SCN9A: variants seen among roughly 807,000 people sequenced by gnomAD.
The protein encoded by SCN9A is sodium channel protein type 9 subunit alpha.
Under a neutral mutation model 187.0 loss-of-function variants are expected in SCN9A, and 131 were observed. That is an observed-to-expected ratio of 0.70 (90% CI 0.61 to 0.81). The LOEUF is 0.81. Among genes scored for constraint, SCN9A ranks in the 30% least tolerant of loss-of-function variants. The pLI, the probability that SCN9A is intolerant of heterozygous loss-of-function variation, is 0.00. For synonymous variants in SCN9A, 809 were observed against 808.6 expected (o/e 1.00, Z -0.01); for missense variants, 2,252 against 2,396.6 (o/e 0.94, Z 1.26).
intron 1 of SCN9A, among the ~76,000 whole-genome samples, chr2:166,344,578 C>A (rs897723263): frequency 2.6e-5 from 4 of 152,180 alleles, no homozygotes; most frequent in African/African-American, 9.6e-5. Context: ...CATCATTATA[C>A]TAGCAATTCA....
intron 17 of SCN9A, among the ~76,000 whole-genome samples, chr2:166,252,619 G>A (rs1696096058): frequency 6.6e-6 from 1 of 151,792 alleles, no homozygotes; most frequent in Admixed American, 6.6e-5. Flanking sequence ...AGCACCACAT[G>A]CAAACTCTGA....
At chr2:166,253,177 T>C (rs1696120675) in intron 17 of SCN9A, among the ~76,000 whole-genome samples, 1 of 151,858 alleles carries the variant, frequency 6.6e-6, no homozygotes, top group African/African-American at 2.4e-5. Flanking sequence ...TATTATCACC[T>C]AGTATACAAC....
chr2:166,357,744 C>G (rs907180015), intron 1 of SCN9A, among the ~76,000 whole-genome samples: 2 of 152,304 alleles, frequency 1.3e-5, no homozygotes. Flanking sequence ...AAGAAGTTAG[C>G]TTGTGCGCCA....
At position 166,272,706 on chromosome 2, in the gene SCN9A, G is replaced by C. The variant is rs372016328; in HGVS notation, c.3044C>G (p.Ser1015Cys). 4 of 1,595,994 alleles carry C rather than the reference G, an allele frequency of 2.5e-6. No individual in the cohort carries two copies. Among genetic ancestry groups the C allele is most frequent in the Non-Finnish European group, 3.4e-6 (4 of 1,171,820 alleles). Residue 1015 changes from serine to cysteine, a missense_variant, in exon 17 of 27, where the codon TCC becomes TGC. Coordinates refer to ENST00000642356, the MANE Select transcript of SCN9A (RefSeq NM_001365536.1). ...TLREFILKAF[S>C]KKPKISREIR... ...CTCCCTGGAAATCTTTGGCTTTTTG[G>C]AAAATGCTTTTAGAATAAATTCACG...
rs1308563478 is a variant in SCN9A at position 166,204,386 on chromosome 2, G to C, written c.4477C>G (p.Pro1493Ala). ...CCTGGTCGAGGAATTGGCTTTTGTG[G>C]CTTCTTGGACCCCAGCTTTTTCATT... Reference protein sequence around the residue: ...NAMKKLGSKKPQKPIPRPGNK... With the variant: ...NAMKKLGSKKAQKPIPRPGNK... The change falls in exon 25 of 27, where the codon CCA becomes GCA. Residue 1493 changes from proline (P) to alanine (A), a missense_variant. By Grantham distance (27) the Pro-to-Ala change is conservative (BLOSUM62 -1). Transcript: ENST00000642356. 6.2e-7 allele frequency: 1 copy of C among 1,609,534 alleles called. No individual in the cohort carries two copies. Among genetic ancestry groups the C allele is most frequent in the Non-Finnish European group, 8.5e-7 (1 of 1,177,864 alleles).
At chr2:166,346,755 G>C (rs1415878369) in intron 1 of SCN9A, among the ~76,000 whole-genome samples, 1 of 152,072 alleles carries the variant, frequency 6.6e-6, no homozygotes, top group Non-Finnish European at 1.5e-5. Flanking sequence ...TCTAAAGCGT[G>C]GGTTCAGGTG....
chr2:166,293,082 TG>T, intron 9 of SCN9A, 148 bp downstream of exon 9: 1 of 626,208 alleles, frequency 1.6e-6, no homozygotes. Flanking sequence ...TTATTAGTGA[TG>T]GGAGTAAAAC....
intron 18 of SCN9A, among the ~76,000 whole-genome samples, chr2:166,247,967 C>T (rs1222932133): frequency 6.6e-6 from 1 of 151,882 alleles, no homozygotes; most frequent in African/African-American, 2.4e-5. Flanking sequence ...GTAATAGACA[C>T]AGAGCTAAGG....
chr2:166,229,252 T>A (rs1694980990), intron 21 of SCN9A, among the ~76,000 whole-genome samples: 1 of 151,468 alleles, frequency 6.6e-6, no homozygotes, highest in South Asian at 2.1e-4. Context: ...ACAAAATAAC[T>A]AAGATAATAT....
chr2:166,204,246 T>C (rs764890826), intron 25 of SCN9A, 21 bp from the exon 26 acceptor site: 3 of 1,600,314 alleles, frequency 1.9e-6, no homozygotes, highest in South Asian at 2.3e-5. Context: ...ATAAGAATAA[T>C]ATCGAATGCA....
intron 17 of SCN9A, chr2:166,259,241 T>A (rs550775744): frequency 6.6e-6 from 1 of 151,818 alleles, no homozygotes; most frequent in South Asian, 2.1e-4. Flanking sequence ...TCTGCCTGGT[T>A]AAAAGCACAG....
At chr2:166,302,234 C>T (rs1002283226) in intron 7 of SCN9A, 3 of 151,962 alleles carry the variant, frequency 2.0e-5, no homozygotes, top group Non-Finnish European at 4.4e-5. Flanking sequence ...AGGTGTCAGA[C>T]AGAAAGTACA....
In SCN9A at chr2:166,281,670, A is replaced by T; in HGVS notation, c.2104+9T>A. 1 of 1,611,522 alleles carries T rather than the reference A, an allele frequency of 6.2e-7. No individual in the cohort carries two copies. Among genetic ancestry groups the T allele is most frequent in the Non-Finnish European group, 8.5e-7 (1 of 1,178,470 alleles). On this transcript the variant is annotated intron_variant, in intron 13 of 26. Coordinates refer to ENST00000642356, the MANE Select transcript of SCN9A (RefSeq NM_001365536.1). The stretch of plus-strand genomic sequence containing the variant: ...AGAATCTGTACAGTAAAAGAAGATT[A>T]TTACATACCTTCCACAGTGTTTGTT...
In SCN9A at chr2:166,308,584, T is replaced by G. The variant is rs1374756859; in HGVS notation, c.259-1510A>C. Among the ~76,000 whole-genome samples, 3 of 152,282 alleles carry G rather than the reference T, an allele frequency of 2.0e-5. No individual in the cohort carries two copies. The East Asian group carries it at 5.8e-4, about 29-fold the overall frequency. ...AGTGAGTAAATTAAATCTCTTTTCT[T>G]TATAAATTACCCAGTCTCAGGTAGT... On this transcript the variant is annotated intron_variant, in intron 2 of 26. Coordinates refer to ENST00000642356, the MANE Select transcript of SCN9A (RefSeq NM_001365536.1).
rs1695409541 is a variant in SCN9A, at chr2:166,238,264, A to C, written c.3631T>G (p.Phe1211Val). Residue 1211 changes from phenylalanine to valine, a missense_variant, in exon 20 of 27, where the codon TTT becomes GTT. Coordinates refer to ENST00000642356, the MANE Select transcript of SCN9A (RefSeq NM_001365536.1). Reference sequence around the variant, plus strand: ...TTCCTTTCAATATAAATATCTTCAAAAGCCTGTGGAAATAATATTCAAGTT... The same window carrying C: ...TTCCTTTCAATATAAATATCTTCAACAGCCTGTGGAAATAATATTCAAGTT... ...MILLSSGALA[F>V]EDIYIERKKT... is the part of the protein sequence containing the mutation. 6.5e-7 allele frequency: 1 copy of C among 1,543,288 alleles called. No individual in the cohort carries two copies.
intron 17 of SCN9A, among the ~76,000 whole-genome samples, chr2:166,263,044 A>G (rs1389252658): frequency 4.6e-5 from 7 of 151,972 alleles, no homozygotes; most frequent in Admixed American, 3.9e-4. Context: ...TCGTGGCAGA[A>G]GGGAGGTGCT....
chr2:166,362,616 C>T (rs1040135599), intron 1 of SCN9A, among the ~76,000 whole-genome samples: 1 of 151,912 alleles, frequency 6.6e-6, no homozygotes, highest in African/African-American at 2.4e-5. Flanking sequence ...TAATTCCTAT[C>T]CTTCCTCAAA....
intron 1 of SCN9A, among the ~76,000 whole-genome samples, chr2:166,342,310 A>G (rs1559052172): frequency 6.6e-6 from 1 of 152,194 alleles, no homozygotes; most frequent in Non-Finnish European, 1.5e-5. Context: ...TGAATGCCAT[A>G]TGGAGATGTC....
At chr2:166,305,543 A>G (rs975584111) in intron 5 of SCN9A, among the ~76,000 whole-genome samples, 6 of 152,272 alleles carry the variant, frequency 3.9e-5, no homozygotes, top group African/African-American at 7.2e-5. Context: ...TAGACTATCC[A>G]TCCAAGTGCT....
Sources: allele counts gnomAD v4.1 joint callset (sites outside exome capture counted in the v4.1 genomes callset), GRCh38; gene constraint gnomAD v4.1.1; transcripts MANE v1.5; gene names NCBI Gene and HGNC (gene_info 2026-07-23, HGNC 2026-07-21).